Variants in PSEN1 observed in about 807,000 individuals in gnomAD.
The protein encoded by PSEN1 is presenilin 1.
In PSEN1, 15 loss-of-function variants were observed where a neutral mutation model predicts 53.5. The observed-to-expected ratio is 0.28, with a 90% CI of 0.19 to 0.43. The LOEUF (loss-of-function observed/expected upper bound fraction) is 0.43. Among genes scored for constraint, PSEN1 ranks in the 20% least tolerant of loss-of-function variants. The pLI, the probability that PSEN1 is intolerant of heterozygous loss-of-function variation, is 1.00. For missense variants in PSEN1, 387 were observed against 571.2 expected (o/e 0.68, Z 3.29); for synonymous variants, 208 against 209.8 (o/e 0.99, Z 0.08).
chr14:73,185,015 G>A (rs753667906), intron 5 of PSEN1, among the ~76,000 whole-genome samples: 2,977 of 151,152 alleles, frequency 0.02, 14 homozygotes, highest in Non-Finnish European at 0.029. Flanking sequence ...ATGGGCGGCC[G>A]GGCAGAGACG....
chr14:73,141,056 A>G (rs1057852), intron 1 of PSEN1, among the ~76,000 whole-genome samples: 3,958 of 152,344 alleles, frequency 0.026, 174 homozygotes, highest in African/African-American at 0.092. Flanking sequence ...CTGCATAAGC[A>G]TAGTTCAAAT....
chr14:73,140,292 C>T (rs774081621), intron 1 of PSEN1, among the ~76,000 whole-genome samples: 3 of 143,484 alleles, frequency 2.1e-5, no homozygotes, highest in Non-Finnish European at 3.0e-5. Flanking sequence ...CTCACTGCAA[C>T]GTCCGCCTCC....
intron 1 of PSEN1, among the ~76,000 whole-genome samples, chr14:73,137,857 G>A (rs936623502): frequency 3.9e-5 from 6 of 152,128 alleles, no homozygotes; most frequent in African/African-American, 7.2e-5. Context: ...GCCGCGGGGC[G>A]GATCCTTGAG....
intron 5 of PSEN1, among the ~76,000 whole-genome samples, chr14:73,184,939 G>C (rs1279071582): frequency 1.3e-5 from 2 of 150,038 alleles, no homozygotes; most frequent in Non-Finnish European, 3.0e-5. Context: ...GGTCGCGGCC[G>C]GGCAGAGGTG....
intron 1 of PSEN1, 95 bp from the exon 2 acceptor site, chr14:73,147,699 CT>C (rs1303010573): frequency 5.6e-6 from 2 of 354,106 alleles, no homozygotes; most frequent in African/African-American, 4.2e-5. Flanking sequence ...TAATACATTC[CT>C]GGTTTACAAA....
At chr14:73,159,345 C>G (rs986993249) in intron 3 of PSEN1, among the ~76,000 whole-genome samples, 2 of 152,148 alleles carry the variant, frequency 1.3e-5, no homozygotes, top group African/African-American at 4.8e-5. Flanking sequence ...CTGCACCCAG[C>G]TAATTCCGTT....
chr14:73,147,921 A>C, intron 2 of PSEN1, 45 bp downstream of exon 2: 1 of 879,424 alleles, frequency 1.1e-6, no homozygotes, highest in Non-Finnish European at 1.9e-6. Context: ...TTTTTATAAC[A>C]GTATAATTGT....
At chr14:73,150,834 C>T (rs1897199446) in intron 3 of PSEN1, among the ~76,000 whole-genome samples, 2 of 149,626 alleles carry the variant, frequency 1.3e-5, no homozygotes, top group African/African-American at 2.5e-5. Context: ...CTTTGGGAGG[C>T]CGAGGAGGGC....
chr14:73,194,181 A>G (rs1180411026), intron 7 of PSEN1, among the ~76,000 whole-genome samples: 4 of 151,960 alleles, frequency 2.6e-5, no homozygotes, highest in Non-Finnish European at 5.9e-5. Context: ...CCAAAAAGAG[A>G]TCCATTTTCA....
intron 8 of PSEN1, among the ~76,000 whole-genome samples, chr14:73,205,517 T>C (rs1468997343): frequency 2.0e-5 from 3 of 151,900 alleles, no homozygotes; most frequent in South Asian, 4.2e-4. Flanking sequence ...GTGACCAGAT[T>C]GGACTCAGCT....
At chr14:73,146,520 G>C (rs1050107843) in intron 1 of PSEN1, among the ~76,000 whole-genome samples, 6 of 152,216 alleles carry the variant, frequency 3.9e-5, no homozygotes, top group African/African-American at 1.4e-4. Context: ...GGCTGAAGGT[G>C]AGGGGAGGAG....
chr14:73,220,154 C>T lies in PSEN1; in HGVS notation c.*865C>T, dbSNP rs1900086883. ...ATTTGTAGACATACTTGTACGCTCA[C>T]TTGCCCCAGATGCCTCCTCTGTCCT... On this transcript the variant is annotated 3_prime_UTR_variant, in exon 12 of 12. Coordinates refer to ENST00000324501, the MANE Select transcript of PSEN1 (RefSeq NM_000021.4). The T allele has an allele frequency of 6.6e-6, 1 of 152,254 alleles. No individual in the cohort carries two copies. Among genetic ancestry groups the T allele is most frequent in the African/African-American group, 2.4e-5 (1 of 41,460 alleles). 9.4% of individuals were successfully genotyped at this position (152,254 alleles called of 1,614,324 possible).
intron 5 of PSEN1, among the ~76,000 whole-genome samples, chr14:73,184,334 C>T (rs1898371508): frequency 8.8e-6 from 1 of 113,142 alleles, no homozygotes; most frequent in African/African-American, 4.1e-5. Flanking sequence ...GACGGGGCGG[C>T]TGGCCGGGCA....
intron 3 of PSEN1, among the ~76,000 whole-genome samples, chr14:73,162,530 G>A (rs1002733386): frequency 1.3e-5 from 2 of 151,476 alleles, no homozygotes; most frequent in African/African-American, 2.4e-5. Flanking sequence ...GAGAGAGCAC[G>A]TATCTGCAGT....
At chr14:73,138,268 G>A (rs1896805653) in intron 1 of PSEN1, 1 of 151,318 alleles carries the variant, frequency 6.6e-6, no homozygotes, top group South Asian at 2.1e-4. Context: ...GCCCAGGCTG[G>A]AGTGCAGTGG....
chr14:73,221,068 A>G lies in PSEN1; in HGVS notation c.*1779A>G, dbSNP rs947344957. 1.3e-5 allele frequency: 2 copies of G among 152,196 alleles called. No homozygotes were observed. The highest frequency in any genetic ancestry group is 4.8e-5 in the African/African-American group (2 of 41,436). 9.4% of individuals were successfully genotyped at this position (152,196 alleles called of 1,614,324 possible). ...GTTTAGAATATTTGTTTTCTGTCCC[A>G]GGATATTTCTTATAAGAACCTAACT... On this transcript the variant is annotated 3_prime_UTR_variant, in exon 12 of 12. Transcript: ENST00000324501.
At chr14:73,215,531 C>T (rs1427052739) in intron 10 of PSEN1, among the ~76,000 whole-genome samples, 3 of 148,884 alleles carry the variant, frequency 2.0e-5, no homozygotes, top group Admixed American at 6.7e-5. Flanking sequence ...TTCAGTGAGC[C>T]GAGATCACTT....
intron 5 of PSEN1, among the ~76,000 whole-genome samples, chr14:73,176,226 T>TC (rs1898043644): frequency 6.6e-6 from 1 of 152,264 alleles, no homozygotes; most frequent in African/African-American, 2.4e-5. Flanking sequence ...AAGCAAGTGA[T>TC]ATAAACCCAT....
At chr14:73,178,006 C>T (rs919977154) in intron 5 of PSEN1, among the ~76,000 whole-genome samples, 2 of 152,008 alleles carry the variant, frequency 1.3e-5, no homozygotes, top group African/African-American at 4.8e-5. Flanking sequence ...GCAACCTCTG[C>T]CTTCCCGGTT....
Sources: allele counts gnomAD v4.1 joint callset (sites outside exome capture counted in the v4.1 genomes callset), GRCh38; gene constraint gnomAD v4.1.1; transcripts MANE v1.5; gene names NCBI Gene and HGNC (gene_info 2026-07-23, HGNC 2026-07-21).